The following SFI1 variants were observed in gnomAD, a reference collection of about 807,000 sequenced individuals.
SFI1 encodes protein SFI1 homolog.
A neutral mutation model predicts 207.5 loss-of-function variants in SFI1; 195 were observed. That is an observed-to-expected ratio of 0.94 (90% CI 0.84 to 1.06). The LOEUF is 1.06. Ranked by LOEUF, SFI1 falls within the 50% of genes least tolerant of loss-of-function variation. SFI1 has a pLI of 0.00. For synonymous variants in SFI1, 630 were observed against 598.9 expected, an observed-to-expected ratio of 1.05 and a Z score of -0.76; for missense variants, 1,634 against 1,588.0, an observed-to-expected ratio of 1.03 and a Z score of -0.49.
At chr22:31,504,833 C>T (rs1360351023) in intron 1 of SFI1, among the ~76,000 whole-genome samples, 1 of 152,084 alleles carries the variant, frequency 6.6e-6, no homozygotes, top group Non-Finnish European at 1.5e-5. Flanking sequence ...TGTATCTGTC[C>T]CTGTATCTCT....
chr22:31,511,539 C>T (rs2055553592), intron 2 of SFI1, among the ~76,000 whole-genome samples: 1 of 145,036 alleles, frequency 6.9e-6, no homozygotes, highest in Non-Finnish European at 1.5e-5. Flanking sequence ...GCGATCTCCG[C>T]TCACTGCAAC....
intron 5 of SFI1, among the ~76,000 whole-genome samples, chr22:31,549,576 G>C (rs888448363): frequency 6.6e-6 from 1 of 151,808 alleles, no homozygotes; most frequent in Non-Finnish European, 1.5e-5. Flanking sequence ...TATTGACCAG[G>C]CTGGTCTCGA....
At chr22:31,583,443 T>C (rs1471503408) in intron 12 of SFI1, among the ~76,000 whole-genome samples, 1 of 152,206 alleles carries the variant, frequency 6.6e-6, no homozygotes, top group East Asian at 1.9e-4. Flanking sequence ...ATTTATCTGA[T>C]TGTTTCCTTT....
At chr22:31,518,255 A>G (rs1367444365) in intron 2 of SFI1, among the ~76,000 whole-genome samples, 2 of 152,150 alleles carry the variant, frequency 1.3e-5, no homozygotes, top group Non-Finnish European at 2.9e-5. Context: ...TTGGCCTTCC[A>G]AAGTACTGGG....
chr22:31,618,551 A>G lies in SFI1; in HGVS notation c.*133A>G. 2.2e-6 allele frequency: 2 copies of G among 917,742 alleles called. No individual in the cohort carries two copies. The highest frequency in any genetic ancestry group is 1.5e-6 in the Non-Finnish European group (1 of 655,688). The allele number at this position is 917,742 out of a possible 1,614,324, so 56.8% of individuals were successfully genotyped here. Reference sequence around the variant, plus strand: ...GCAATTAAATGAATTACTGTTCAGAAGTCTCCCACTTTTCATACAAAAATA... The same window carrying G: ...GCAATTAAATGAATTACTGTTCAGAGGTCTCCCACTTTTCATACAAAAATA... On this transcript the variant is annotated 3_prime_UTR_variant, in exon 33 of 33. Transcript: ENST00000400288.
At chr22:31,530,887 C>A (rs1171849881) in intron 3 of SFI1, 171 bp from the exon 4 acceptor site, 5 of 586,664 alleles carry the variant, frequency 8.5e-6, no homozygotes, top group Non-Finnish European at 1.5e-5. Context: ...CTTTATAAAT[C>A]TGCCCCATCC....
Position 31,546,856 on chromosome 22 carries a change from C to A in SFI1, c.339-5C>A. On this transcript the variant is annotated splice_polypyrimidine_tract_variant and splice_region_variant and intron_variant, in intron 4 of 32. Transcript: ENST00000400288. ...TATATATATATGATTTTTTTTTTGC[C>A]GTAGATTTTACTATGAGCAGCGATT... The A allele has an allele frequency of 1.3e-6, 2 of 1,559,504 alleles. No homozygotes were observed. Among genetic ancestry groups the A allele is most frequent in the South Asian group, 1.2e-5 (1 of 84,042 alleles).
intron 15 of SFI1, among the ~76,000 whole-genome samples, chr22:31,601,128 CTTTTTTTT>C (rs11354377): frequency 2.6e-4 from 21 of 80,316 alleles, no homozygotes; most frequent in East Asian, 1.6e-3. Flanking sequence ...CTTTTCTTTA[CTTTTTTTT>C]TTTTTTTTTT....
intron 3 of SFI1, 51 bp downstream of exon 3, chr22:31,528,914 T>C (rs1412558002): frequency 2.6e-6 from 4 of 1,536,918 alleles, no homozygotes; most frequent in Non-Finnish European, 3.5e-6. Flanking sequence ...TTTGTTCTCC[T>C]TTCTTGGTTA....
chr22:31,589,370 A>C (rs1569403845), intron 14 of SFI1, 77 bp from the exon 15 acceptor site: 2 of 1,294,582 alleles, frequency 1.5e-6, no homozygotes, highest in Non-Finnish European at 2.0e-6. Flanking sequence ...CAATCCTCCC[A>C]CAAGGGTGTG....
chr22:31,561,773 T>C (rs1324846798), intron 8 of SFI1, among the ~76,000 whole-genome samples: 1 of 152,230 alleles, frequency 6.6e-6, no homozygotes, highest in East Asian at 1.9e-4. Flanking sequence ...CCTGTCTTCC[T>C]TTTCTTTATA....
At chr22:31,577,154 C>G (rs1412730292) in intron 10 of SFI1, among the ~76,000 whole-genome samples, 1 of 152,156 alleles carries the variant, frequency 6.6e-6, no homozygotes, top group Non-Finnish European at 1.5e-5. Context: ...TTAAATATGG[C>G]ATGATAATTC....
chr22:31,546,983 T>C lies in SFI1; in HGVS notation c.449+12T>C, dbSNP rs759325700. 6.4e-7 allele frequency: 1 copy of C among 1,553,046 alleles called. No individual in the cohort carries two copies. Among genetic ancestry groups the C allele is most frequent in the South Asian group, 1.2e-5 (1 of 85,766 alleles). ...GACTGTCACTACAGGTCAGGTTTCA[T>C]GTTACACTCCTTCAGTTTTACTGAT... On this transcript the variant is annotated intron_variant, in intron 5 of 32. Transcript: ENST00000400288.
At chr22:31,570,298 T>C (rs2062820642) in intron 8 of SFI1, among the ~76,000 whole-genome samples, 1 of 152,136 alleles carries the variant, frequency 6.6e-6, no homozygotes, top group Non-Finnish European at 1.5e-5. Flanking sequence ...TTAAAAGATG[T>C]ATGGATGAGA....
At chr22:31,611,715 C>A in intron 23 of SFI1, 51 bp from the exon 24 acceptor site, 1 of 1,573,218 alleles carries the variant, frequency 6.4e-7, no homozygotes, top group Non-Finnish European at 8.6e-7. Flanking sequence ...CCACCCCAGG[C>A]TGTCTAGGCT....
At chr22:31,559,108 A>G (rs2061436395) in intron 7 of SFI1, among the ~76,000 whole-genome samples, 1 of 151,706 alleles carries the variant, frequency 6.6e-6, no homozygotes, top group Non-Finnish European at 1.5e-5. Context: ...GGCCCAGCCT[A>G]TTTATTGAGG....
At chr22:31,550,191 G>C (rs1420323553) in intron 5 of SFI1, 63 bp from the exon 6 acceptor site, 1 of 1,340,564 alleles carries the variant, frequency 7.5e-7, no homozygotes, top group African/African-American at 1.4e-5. Context: ...GGTTACAGGT[G>C]TGAGCCACCG....
intron 23 of SFI1, 39 bp downstream of exon 23, chr22:31,611,342 C>G (rs2070096704): frequency 6.4e-7 from 1 of 1,556,390 alleles, no homozygotes; most frequent in Non-Finnish European, 8.7e-7. Context: ...TTCTGCCTGC[C>G]TGGCAAGGGG....
At chr22:31,606,693 CTTTTTTTT>C (rs10524692) in intron 21 of SFI1, 14 of 115,508 alleles carry the variant, frequency 1.2e-4, no homozygotes, top group African/African-American at 4.2e-4. Context: ...TTCTTTTTTT[CTTTTTTTT>C]TTTTTTTTTT....
Sources: gnomAD v4.1 joint callset for allele counts (sites outside exome capture counted in the v4.1 genomes callset) on GRCh38, gnomAD v4.1.1 for gene constraint, MANE v1.5 for transcripts, NCBI Gene and HGNC (gene_info 2026-07-23, HGNC 2026-07-21) for gene names.